The following PDE7B variants were observed in gnomAD, a reference collection of about 807,000 sequenced individuals.
The protein encoded by PDE7B is phosphodiesterase 7B.
Under a neutral mutation model 56.2 loss-of-function variants are expected in PDE7B, and 29 were observed. The observed-to-expected ratio is 0.52, with a 90% CI of 0.38 to 0.70. The LOEUF is 0.70. Among genes scored for constraint, PDE7B ranks in the 30% least tolerant of loss-of-function variants. The pLI, the probability that PDE7B is intolerant of heterozygous loss-of-function variation, is 0.00. For synonymous variants in PDE7B, 197 were observed against 196.9 expected, an observed-to-expected ratio of 1.00 and a Z score of 0.00; for missense variants, 490 against 565.0, an observed-to-expected ratio of 0.87 and a Z score of 1.35.
chr6:135,885,524 T>C lies in PDE7B; in HGVS notation c.21+33505T>C, dbSNP rs180823891. 3.2e-3 allele frequency among the ~76,000 whole-genome samples: 494 copies of C among 152,296 alleles called. 7 individuals carry two copies. The highest frequency in any genetic ancestry group is 9.3e-3 in the African/African-American group (388 of 41,570). ...TTTATAAACAGTTCTCTTTAAATCT[T>C]TGTAAATGTTCAGAAAAATAAGAGA... On this transcript the variant is annotated intron_variant, in intron 1 of 12. Transcript: ENST00000308191.
intron 2 of PDE7B, among the ~76,000 whole-genome samples, chr6:136,087,051 T>C (rs1169043201): frequency 6.6e-6 from 1 of 152,230 alleles, no homozygotes; most frequent in East Asian, 1.9e-4. Context: ...ATACTATTCT[T>C]TATCTACCCA....
Position 136,141,495 on chromosome 6 carries a change from A to C in PDE7B, c.167-5856A>C, listed in dbSNP as rs1335609547. Among the ~76,000 whole-genome samples, 26 of 152,306 alleles carry C rather than the reference A, an allele frequency of 1.7e-4. No homozygotes were observed. The East Asian group carries it at 4.8e-3, about 28-fold the overall frequency. The stretch of plus-strand genomic sequence containing the variant: ...GCTGGCCTCATAAAATGAGTTAGGG[A>C]GGATTCCCTCTTTTTCTATTGATTG... On this transcript the variant is annotated intron_variant, in intron 3 of 12. Coordinates refer to ENST00000308191, the MANE Select transcript of PDE7B (RefSeq NM_018945.4).
chr6:136,115,273 G>A lies in PDE7B; in HGVS notation c.166+6459G>A, dbSNP rs191524571. On this transcript the variant is annotated intron_variant, in intron 3 of 12. Coordinates refer to ENST00000308191, the MANE Select transcript of PDE7B (RefSeq NM_018945.4). ...CGGGATTCAGAGGAGTTCGAGAAGG[G>A]AATAATTAACTCTGTCTTGGAAATT... Among the ~76,000 whole-genome samples, 108 of 152,242 alleles carry A rather than the reference G, an allele frequency of 7.1e-4. No individual in the cohort carries two copies. In the Middle Eastern group the frequency reaches 0.017, roughly 24 times the overall value.
At chr6:136,049,661 G>A (rs1776590453) in intron 2 of PDE7B, among the ~76,000 whole-genome samples, 1 of 152,148 alleles carries the variant, frequency 6.6e-6, no homozygotes, top group South Asian at 2.1e-4. Context: ...TCAACAAGAT[G>A]TGAGAAATTT....
chr6:136,127,056 A>G (rs1178575914), intron 3 of PDE7B, among the ~76,000 whole-genome samples: 1 of 152,170 alleles, frequency 6.6e-6, no homozygotes, highest in African/African-American at 2.4e-5. Context: ...AGAAAACAAA[A>G]CTTTGAGCTT....
At chr6:135,932,174 G>T (rs1467319548) in intron 1 of PDE7B, among the ~76,000 whole-genome samples, 2 of 152,096 alleles carry the variant, frequency 1.3e-5, no homozygotes, top group Non-Finnish European at 2.9e-5. Flanking sequence ...AATCAGGAAA[G>T]TGTCATAAAA....
intron 1 of PDE7B, among the ~76,000 whole-genome samples, chr6:135,935,190 T>TTATTTATA (rs1554268032): frequency 8.3e-5 from 3 of 36,190 alleles, no homozygotes; most frequent in East Asian, 1.3e-3. Context: ...ATATATTTAT[T>TTATTTATA]TATATATATA....
intron 2 of PDE7B, among the ~76,000 whole-genome samples, chr6:136,029,042 G>T (rs1171939070): frequency 6.6e-6 from 1 of 152,156 alleles, no homozygotes; most frequent in South Asian, 2.1e-4. Flanking sequence ...TGAAAGTGCT[G>T]AATGCCCAAG....
chr6:135,960,700 A>T (rs949289902), intron 2 of PDE7B, among the ~76,000 whole-genome samples: 1 of 152,208 alleles, frequency 6.6e-6, no homozygotes, highest in African/African-American at 2.4e-5. Context: ...ACAAAACCAC[A>T]TGGATGAAAA....
intron 1 of PDE7B, among the ~76,000 whole-genome samples, chr6:135,870,303 T>C (rs957354090): frequency 6.6e-6 from 1 of 152,120 alleles, no homozygotes; most frequent in African/African-American, 2.4e-5. Context: ...GGCTCCTTGG[T>C]GGCATGTTCT....
At chr6:136,119,427 C>T (rs1354505896) in intron 3 of PDE7B, among the ~76,000 whole-genome samples, 1 of 151,986 alleles carries the variant, frequency 6.6e-6, no homozygotes, top group African/African-American at 2.4e-5. Flanking sequence ...AGAAAAAGAA[C>T]CTTTATTTTT....
chr6:136,154,664 G>T (rs750875828), intron 7 of PDE7B, among the ~76,000 whole-genome samples: 7 of 152,140 alleles, frequency 4.6e-5, no homozygotes, highest in Non-Finnish European at 7.3e-5. Flanking sequence ...ACTTGTGAAT[G>T]TCAAAGACCT....
intron 2 of PDE7B, among the ~76,000 whole-genome samples, chr6:136,028,312 G>T (rs1300489092): frequency 6.6e-6 from 1 of 152,166 alleles, no homozygotes; most frequent in Non-Finnish European, 1.5e-5. Context: ...TTAAATAGAA[G>T]AGTCAGCTTT....
At chr6:136,121,631 G>A (rs376249528) in intron 3 of PDE7B, among the ~76,000 whole-genome samples, 1 of 152,178 alleles carries the variant, frequency 6.6e-6, no homozygotes, top group South Asian at 2.1e-4. Flanking sequence ...TTGGGAAAGG[G>A]CTGATACAGA....
intron 8 of PDE7B, among the ~76,000 whole-genome samples, chr6:136,172,731 T>A (rs1778910917): frequency 1.3e-5 from 2 of 151,912 alleles, no homozygotes; most frequent in Admixed American, 6.6e-5. Flanking sequence ...CTGAATGGTA[T>A]TGCCTAGGTT....
chr6:136,002,016 A>G (rs1157388413), intron 2 of PDE7B, among the ~76,000 whole-genome samples: 1 of 152,236 alleles, frequency 6.6e-6, no homozygotes, highest in African/African-American at 2.4e-5. Context: ...CAGAAACTCT[A>G]TAAGCCAGAA....
chr6:136,131,843 C>G (rs1778124586), intron 3 of PDE7B, among the ~76,000 whole-genome samples: 1 of 152,066 alleles, frequency 6.6e-6, no homozygotes, highest in Non-Finnish European at 1.5e-5. Context: ...TAGGTGTTTT[C>G]TAGTTATTTT....
chr6:136,028,722 T>G (rs977569351), intron 2 of PDE7B, among the ~76,000 whole-genome samples: 1 of 152,220 alleles, frequency 6.6e-6, no homozygotes, highest in Admixed American at 6.5e-5. Flanking sequence ...CTCTTCCACA[T>G]GTAAGGACAC....
intron 2 of PDE7B, among the ~76,000 whole-genome samples, chr6:136,105,178 T>C (rs1388115714): frequency 1.3e-5 from 2 of 152,238 alleles, no homozygotes; most frequent in Admixed American, 1.3e-4. Context: ...TCCACTGAAA[T>C]GCTCTTTGAT....
Sources: allele counts gnomAD v4.1 joint callset (sites outside exome capture counted in the v4.1 genomes callset), GRCh38; gene constraint gnomAD v4.1.1; transcripts MANE v1.5; gene names NCBI Gene and HGNC (gene_info 2026-07-23, HGNC 2026-07-21).